Variants in CSMD1 observed in about 807,000 individuals in gnomAD.
CSMD1 encodes CUB and Sushi multiple domains 1, also known as CUB and sushi domain-containing protein 1.
In CSMD1, 213 loss-of-function variants were observed where a neutral mutation model predicts 417.5. The observed-to-expected ratio is 0.51, with a 90% CI of 0.46 to 0.57. The LOEUF is 0.57. Among genes scored for constraint, CSMD1 ranks in the 20% least tolerant of loss-of-function variants. The probability of loss-of-function intolerance (pLI) is 0.00; values close to 1 mark genes in which losing one functional copy is unlikely to be tolerated. For missense variants in CSMD1, 6,923 were observed against 4,529.7 expected (o/e 1.53, Z -15.17); for synonymous variants, 2,862 against 1,736.8 (o/e 1.65, Z -16.11).
At chr8:4,215,681 C>T (rs532973835) in intron 3 of CSMD1, among the ~76,000 whole-genome samples, 1 of 152,042 alleles carries the variant, frequency 6.6e-6, no homozygotes. Flanking sequence ...TCTAAAAACA[C>T]AGACTTTAAT....
chr8:3,808,975 G>C (rs576041049), intron 5 of CSMD1, among the ~76,000 whole-genome samples: 6 of 152,244 alleles, frequency 3.9e-5, no homozygotes, highest in Admixed American at 6.5e-5. Context: ...CAAGGCACTG[G>C]TTAAACAGGT....
chr8:3,792,076 C>T (rs756674662), intron 5 of CSMD1, among the ~76,000 whole-genome samples: 1 of 152,106 alleles, frequency 6.6e-6, no homozygotes, highest in Non-Finnish European at 1.5e-5. Flanking sequence ...CTATGTTTTC[C>T]TCCTTCAAGA....
intron 5 of CSMD1, among the ~76,000 whole-genome samples, chr8:3,883,698 T>C (rs966793594): frequency 2.6e-5 from 4 of 152,144 alleles, no homozygotes; most frequent in South Asian, 2.1e-4. Flanking sequence ...CCATGTATTA[T>C]GGCATGGTTA....
At chr8:4,190,122 G>T (rs1798929454) in intron 3 of CSMD1, among the ~76,000 whole-genome samples, 1 of 151,938 alleles carries the variant, frequency 6.6e-6, no homozygotes, top group East Asian at 1.9e-4. Flanking sequence ...AGCCGGGCGT[G>T]GTGGCAGGTG....
intron 47 of CSMD1, 72 bp downstream of exon 47, chr8:3,096,777 A>C (rs1003962449): frequency 1.0e-6 from 1 of 993,514 alleles, no homozygotes; most frequent in Non-Finnish European, 1.5e-6. Context: ...TCTTTATGTT[A>C]CTAAAACATT....
intron 12 of CSMD1, among the ~76,000 whole-genome samples, chr8:3,464,332 A>T (rs1816682387): frequency 6.6e-6 from 1 of 152,194 alleles, no homozygotes; most frequent in African/African-American, 2.4e-5. Flanking sequence ...CCAGGGATCA[A>T]GTTTGCTTCT....
intron 20 of CSMD1, among the ~76,000 whole-genome samples, chr8:3,360,439 G>C (rs1809085514): frequency 6.6e-6 from 1 of 152,210 alleles, no homozygotes; most frequent in South Asian, 2.1e-4. Context: ...GGTTTTGACA[G>C]TGGGAAGTGA....
At chr8:3,924,434 G>C (rs977445712) in intron 5 of CSMD1, among the ~76,000 whole-genome samples, 7 of 152,104 alleles carry the variant, frequency 4.6e-5, no homozygotes, top group African/African-American at 1.7e-4. Context: ...GAAAGCTTTT[G>C]TCATTATTCC....
intron 11 of CSMD1, among the ~76,000 whole-genome samples, chr8:3,489,264 T>C (rs1484053992): frequency 6.6e-6 from 1 of 152,174 alleles, no homozygotes; most frequent in East Asian, 1.9e-4. Flanking sequence ...AAAGAACCAG[T>C]ATCCTGATTT....
chr8:4,538,247 T>A (rs1055598174), intron 2 of CSMD1, among the ~76,000 whole-genome samples: 3 of 151,984 alleles, frequency 2.0e-5, no homozygotes, highest in African/African-American at 7.2e-5. Flanking sequence ...ACCCTTATAT[T>A]TTTCTAATCC....
At chr8:4,035,665 T>C (rs906354773) in intron 3 of CSMD1, among the ~76,000 whole-genome samples, 4 of 152,196 alleles carry the variant, frequency 2.6e-5, no homozygotes, top group African/African-American at 7.2e-5. Flanking sequence ...TGAATAACAA[T>C]ATAAATGTTT....
At chr8:4,123,742 A>G (rs10108082) in intron 3 of CSMD1, among the ~76,000 whole-genome samples, 25,836 of 152,184 alleles carry the variant, frequency 0.17, 2,303 homozygotes, top group South Asian at 0.33. Context: ...TTAGAATTCA[A>G]TGTGTTTATG....
At chr8:3,495,042 T>C (rs1304413197) in intron 10 of CSMD1, among the ~76,000 whole-genome samples, 2 of 152,326 alleles carry the variant, frequency 1.3e-5, no homozygotes, top group South Asian at 2.1e-4. Context: ...ATTATTAATA[T>C]AGCCATTATA....
chr8:4,192,880 T>G (rs373552123), intron 3 of CSMD1, among the ~76,000 whole-genome samples: 4 of 152,200 alleles, frequency 2.6e-5, no homozygotes, highest in Non-Finnish European at 4.4e-5. Flanking sequence ...TCTAGGAACT[T>G]GATTCCATAA....
chr8:3,506,814 T>C (rs1370985444), intron 10 of CSMD1, among the ~76,000 whole-genome samples: 2 of 152,334 alleles, frequency 1.3e-5, no homozygotes, highest in Non-Finnish European at 2.9e-5. Context: ...TTTTAAATGC[T>C]TTTCAAGGTC....
chr8:4,920,899 AAGAAAAGAAAAGAAAAGAAAAGAAAAG>A (rs1563768833), intron 1 of CSMD1, among the ~76,000 whole-genome samples: 2 of 62,286 alleles, frequency 3.2e-5, no homozygotes, highest in Non-Finnish European at 7.9e-5. Flanking sequence ...AAGAAAAGAA[AAGAAAAGAAAAGAAAAGAAAAGAAAAG>A]AAAGAGAGAA....
chr8:4,091,661 T>C (rs536316297), intron 3 of CSMD1, among the ~76,000 whole-genome samples: 41 of 152,092 alleles, frequency 2.7e-4, no homozygotes, highest in Non-Finnish European at 5.0e-4. Flanking sequence ...TTCTTCAAAA[T>C]CAATGCTCAC....
At chr8:3,218,857 A>T (rs1398964301) in intron 29 of CSMD1, among the ~76,000 whole-genome samples, 2 of 152,028 alleles carry the variant, frequency 1.3e-5, no homozygotes, top group African/African-American at 4.8e-5. Context: ...GGGCAACAAG[A>T]GCAAAACTCT....
chr8:4,156,893 T>A (rs7839331), intron 3 of CSMD1, among the ~76,000 whole-genome samples: 1 of 152,098 alleles, frequency 6.6e-6, no homozygotes, highest in African/African-American at 2.4e-5. Context: ...TAAAATGGAG[T>A]GCATTTTTCT....
Sources: gnomAD v4.1 joint callset for allele counts (sites outside exome capture counted in the v4.1 genomes callset) on GRCh38, gnomAD v4.1.1 for gene constraint, MANE v1.5 for transcripts, NCBI Gene and HGNC (gene_info 2026-07-23, HGNC 2026-07-21) for gene names.